The following TENM3 variants were observed in gnomAD, a reference collection of about 807,000 sequenced individuals.
TENM3 encodes the protein teneurin transmembrane protein 3.
In TENM3, 63 loss-of-function variants were observed where a neutral mutation model predicts 255.1. The observed-to-expected ratio is 0.25, with a 90% CI of 0.20 to 0.30. The LOEUF (loss-of-function observed/expected upper bound fraction) is 0.30, where lower values mean the gene tolerates loss of function less well. Ranked by LOEUF, TENM3 falls within the 10% of genes least tolerant of loss-of-function variation. The pLI is 1.00. For missense variants in TENM3, 2,929 were observed against 3,461.1 expected (o/e 0.85, Z 3.86); for synonymous variants, 1,306 against 1,322.3 (o/e 0.99, Z 0.27).
At chr4:181,928,500 G>A in the TENM3 span, among the ~76,000 whole-genome samples, 1 of 151,916 alleles carries the variant, frequency 6.6e-6, no homozygotes, top group African/African-American at 2.4e-5. Context: ...GAGTAGGAAA[G>A]AACAACACCA....
chr4:182,593,202 G>T (rs534278923), intron 3 of TENM3, among the ~76,000 whole-genome samples: 196 of 152,286 alleles, frequency 1.3e-3, no homozygotes, highest in African/African-American at 4.5e-3. Flanking sequence ...AGGCCAGAGG[G>T]TTTTCATTTA....
the TENM3 span, among the ~76,000 whole-genome samples, chr4:181,999,393 T>C: frequency 6.6e-6 from 1 of 152,134 alleles, no homozygotes; most frequent in African/African-American, 2.4e-5. Flanking sequence ...GTATTGCCTG[T>C]CCCGACACAT....
At chr4:182,798,572 T>C (rs1435618167) in intron 27 of TENM3, among the ~76,000 whole-genome samples, 1 of 152,226 alleles carries the variant, frequency 6.6e-6, no homozygotes, top group Non-Finnish European at 1.5e-5. Flanking sequence ...AGTGCATGAC[T>C]GTCTACACTG....
chr4:182,095,332 C>T, the TENM3 span, among the ~76,000 whole-genome samples: 8 of 152,162 alleles, frequency 5.3e-5, no homozygotes, highest in African/African-American at 1.9e-4. Flanking sequence ...TGGAATATTA[C>T]ACACATACAC....
chr4:181,466,977 ATTACT>A, the TENM3 span, among the ~76,000 whole-genome samples: 2 of 150,384 alleles, frequency 1.3e-5, no homozygotes, highest in African/African-American at 4.9e-5. Context: ...TTTATTTGAA[ATTACT>A]TTACAAATCT....
chr4:181,836,972 CA>C, the TENM3 span, among the ~76,000 whole-genome samples: 1 of 125,388 alleles, frequency 8.0e-6, no homozygotes, highest in Admixed American at 9.2e-5. Flanking sequence ...GTCTTGCTCA[CA>C]TTTTATTATT....
At chr4:182,318,366 CA>C (rs1482706663) in intron 1 of TENM3, among the ~76,000 whole-genome samples, 1 of 152,030 alleles carries the variant, frequency 6.6e-6, no homozygotes, top group African/African-American at 2.4e-5. Flanking sequence ...CAGTTAAAAT[CA>C]AGTTACTTTC....
Position 182,754,961 on chromosome 4 carries a change from T to C in TENM3, c.4594T>C (p.Tyr1532His). 6.2e-7 allele frequency: 1 copy of C among 1,614,054 alleles called. No individual in the cohort carries two copies. Among genetic ancestry groups the C allele is most frequent in the South Asian group, 1.1e-5 (1 of 91,084 alleles). ...CTTTGACATCAATGGTACTCACCAA[T>C]ATACTGTAAGTTTAGTCACTGGTGA... Reference protein sequence around the residue: ...YIFDINGTHQYTVSLVTGDYL... With the variant: ...YIFDINGTHQHTVSLVTGDYL... Residue 1532 changes from tyrosine to histidine, a missense_variant, in exon 22 of 28, where the codon TAT becomes CAT. This residue lies in a region of TENM3 where 1,608 missense variants were observed against 1,884.4 expected (regional missense o/e 0.85). Transcript: ENST00000511685. This position sits in a 1 kb window ranked among gnomAD's most constrained non-coding sequence, Gnocchi z 5.1.
the TENM3 span, among the ~76,000 whole-genome samples, chr4:182,061,689 C>A: frequency 6.6e-6 from 1 of 152,080 alleles, no homozygotes; most frequent in Non-Finnish European, 1.5e-5. Flanking sequence ...CTGGGCGTGG[C>A]TGCTCACGCC....
chr4:182,252,766 C>A (rs1383117483), intron 1 of TENM3, among the ~76,000 whole-genome samples: 1 of 151,772 alleles, frequency 6.6e-6, no homozygotes, highest in Non-Finnish European at 1.5e-5. Flanking sequence ...AGCAAATCGG[C>A]ATTTATTCAG....
intron 5 of TENM3, among the ~76,000 whole-genome samples, chr4:182,650,889 A>AAATAT (rs1281790163): frequency 2.4e-4 from 7 of 29,766 alleles, no homozygotes; most frequent in South Asian, 8.9e-4. Context: ...AATAAAAAAA[A>AAATAT]ATATATATAT....
At chr4:181,495,593 A>G in the TENM3 span, among the ~76,000 whole-genome samples, 1 of 152,196 alleles carries the variant, frequency 6.6e-6, no homozygotes. Flanking sequence ...CATTCATTTT[A>G]AAAGACATTG....
At chr4:182,327,953 T>G (rs1268298242) in intron 2 of TENM3, among the ~76,000 whole-genome samples, 1 of 152,220 alleles carries the variant, frequency 6.6e-6, no homozygotes. Context: ...TGTAGTATTC[T>G]TGACCAAACA....
intron 1 of TENM3, among the ~76,000 whole-genome samples, chr4:182,311,417 C>CT (rs1257866052): frequency 2.0e-5 from 3 of 152,152 alleles, no homozygotes; most frequent in Non-Finnish European, 2.9e-5. Context: ...CTCTCTCTCT[C>CT]TTTTTTACTT....
the TENM3 span, among the ~76,000 whole-genome samples, chr4:181,478,181 A>G: frequency 3.9e-5 from 6 of 152,210 alleles, no homozygotes; most frequent in African/African-American, 1.4e-4. Context: ...AAAAGCCACA[A>G]TTACAGTTTT....
chr4:182,428,140 A>G (rs534967165), intron 3 of TENM3, among the ~76,000 whole-genome samples: 3 of 152,302 alleles, frequency 2.0e-5, no homozygotes, highest in Admixed American at 6.5e-5. Flanking sequence ...GAGAAAACCA[A>G]CCTGGATTCA....
chr4:182,301,891 G>A (rs1042340942), intron 1 of TENM3, among the ~76,000 whole-genome samples: 1 of 152,152 alleles, frequency 6.6e-6, no homozygotes, highest in Admixed American at 6.5e-5. Flanking sequence ...AACAGCCAGC[G>A]ATCCAGTTCT....
chr4:182,684,882 C>T (rs1756454185), intron 11 of TENM3, among the ~76,000 whole-genome samples: 1 of 152,104 alleles, frequency 6.6e-6, no homozygotes, highest in East Asian at 1.9e-4. Flanking sequence ...GAAGCTAATT[C>T]ACATGTTTAT....
At chr4:182,652,110 C>G (rs1307722387) in intron 5 of TENM3, among the ~76,000 whole-genome samples, 1 of 152,134 alleles carries the variant, frequency 6.6e-6, no homozygotes, top group Non-Finnish European at 1.5e-5. Flanking sequence ...TTTTTAAAAT[C>G]TCAGAAAATA....
Sources: allele counts gnomAD v4.1 joint callset (sites outside exome capture counted in the v4.1 genomes callset), GRCh38; gene constraint gnomAD v4.1.1; regional missense constraint gnomAD v4.1.1; non-coding constraint Gnocchi (gnomAD v3.1); transcripts MANE v1.5; gene names NCBI Gene and HGNC (gene_info 2026-07-23, HGNC 2026-07-21).